RBFOX1: variants seen among roughly 807,000 people sequenced by gnomAD.
RBFOX1 encodes RNA binding protein fox-1 homolog 1.
RBFOX1 carries 8 observed loss-of-function variants against 57.7 expected under a neutral mutation model. That is an observed-to-expected ratio of 0.14 (90% CI 0.08 to 0.25). RBFOX1 has a LOEUF of 0.25. Ranked by LOEUF, RBFOX1 falls within the 10% of genes least tolerant of loss-of-function variation. The pLI is 1.00. For missense variants in RBFOX1, 611 were observed against 548.5 expected (o/e 1.11, Z -1.14); for synonymous variants, 326 against 222.4 (o/e 1.47, Z -4.15).
chr16:5,739,807 C>A (rs536933019), intron 3 of RBFOX1, among the ~76,000 whole-genome samples: 2 of 152,224 alleles, frequency 1.3e-5, no homozygotes, highest in African/African-American at 4.8e-5. Flanking sequence ...TCCCCTCTCT[C>A]CATCTGCACG....
intron 4 of RBFOX1, among the ~76,000 whole-genome samples, chr16:7,464,569 C>T (rs776069090): frequency 3.3e-5 from 5 of 152,002 alleles, no homozygotes; most frequent in African/African-American, 4.8e-5. Flanking sequence ...TGTTAAAAAT[C>T]CCTGAGTGTT....
intron 2 of RBFOX1, among the ~76,000 whole-genome samples, chr16:6,620,831 G>A (rs1010365007): frequency 6.6e-5 from 10 of 152,178 alleles, no homozygotes; most frequent in East Asian, 5.8e-4. Context: ...TTTCAAGCAC[G>A]TTCTCATATT....
In RBFOX1 at chr16:5,947,772, C is replaced by T. The variant is rs1033521059; in HGVS notation, c.351+80437C>T. On this transcript the variant is annotated intron_variant, in intron 4 of 19. Transcript: ENST00000641259. This position sits in a 1 kb window ranked among gnomAD's most constrained non-coding sequence, Gnocchi z 7.2. ...AAGGGGGTGTCTCCACCTAACAGTGCAAGGATACAGCTGCCCTTGGTATTC... is the reference window on the plus strand; with the variant it reads ...AAGGGGGTGTCTCCACCTAACAGTGTAAGGATACAGCTGCCCTTGGTATTC... Among the ~76,000 whole-genome samples, 26 of 152,188 alleles carry T rather than the reference C, an allele frequency of 1.7e-4. No individual in the cohort carries two copies. The highest frequency in any genetic ancestry group is 3.2e-4 in the Non-Finnish European group (22 of 68,048).
intron 6 of RBFOX1, among the ~76,000 whole-genome samples, chr16:7,585,190 C>G (rs1192291195): frequency 6.6e-6 from 1 of 152,162 alleles, no homozygotes; most frequent in Non-Finnish European, 1.5e-5. Flanking sequence ...ATCAAAATTA[C>G]TGCTTGAGGA....
intron 3 of RBFOX1, among the ~76,000 whole-genome samples, chr16:6,781,882 C>T (rs558137670): frequency 6.6e-6 from 1 of 151,770 alleles, no homozygotes; most frequent in African/African-American, 2.4e-5. Flanking sequence ...TTTGTATTTT[C>T]TCTCAATTTC....
intron 3 of RBFOX1, among the ~76,000 whole-genome samples, chr16:5,769,158 G>A (rs1347402464): frequency 6.6e-6 from 1 of 151,948 alleles, no homozygotes; most frequent in Non-Finnish European, 1.5e-5. Flanking sequence ...GACGTTTTTT[G>A]ATGGGAAACA....
At chr16:5,530,106 A>G (rs540597780) in intron 2 of RBFOX1, among the ~76,000 whole-genome samples, 2 of 152,266 alleles carry the variant, frequency 1.3e-5, no homozygotes, top group African/African-American at 4.8e-5. Context: ...CACTCAGGCT[A>G]TGGCACTTTG....
At chr16:7,674,782 G>C (rs1009237730) in intron 13 of RBFOX1, among the ~76,000 whole-genome samples, 8 of 152,122 alleles carry the variant, frequency 5.3e-5, no homozygotes, top group Admixed American at 2.0e-4. Context: ...TAGTCAGTGT[G>C]GTTCATTTAG....
At chr16:6,990,862 T>C (rs1281691397) in intron 3 of RBFOX1, among the ~76,000 whole-genome samples, 1 of 152,166 alleles carries the variant, frequency 6.6e-6, no homozygotes, top group African/African-American at 2.4e-5. Context: ...GTCTAGTTGC[T>C]AATTTTTTAA....
At chr16:6,499,831 T>G (rs755729227) in intron 2 of RBFOX1, among the ~76,000 whole-genome samples, 8 of 152,168 alleles carry the variant, frequency 5.3e-5, no homozygotes, top group Admixed American at 1.3e-4. Context: ...AATCGATACC[T>G]CCTCTTGTTG....
At chr16:6,603,782 T>C (rs1332958357) in intron 2 of RBFOX1, among the ~76,000 whole-genome samples, 3 of 152,198 alleles carry the variant, frequency 2.0e-5, no homozygotes, top group Non-Finnish European at 2.9e-5. Context: ...ATCTGAATCA[T>C]TGGCTGCCTT....
intron 3 of RBFOX1, among the ~76,000 whole-genome samples, chr16:6,754,659 G>A (rs2075494152): frequency 1.3e-5 from 2 of 151,976 alleles, no homozygotes. Flanking sequence ...TTTTAGAGGT[G>A]GGAGAAAGAG....
chr16:7,307,383 A>G (rs531878913), intron 4 of RBFOX1, among the ~76,000 whole-genome samples: 2 of 152,322 alleles, frequency 1.3e-5, no homozygotes, highest in African/African-American at 4.8e-5. Context: ...ACAAAAATCA[A>G]TTGGGGTGCC....
intron 3 of RBFOX1, among the ~76,000 whole-genome samples, chr16:5,725,163 A>G (rs2052094540): frequency 6.6e-6 from 1 of 152,220 alleles, no homozygotes; most frequent in South Asian, 2.1e-4. Context: ...AGAGGAGGCT[A>G]GGCTGTTGGT....
chr16:7,121,727 C>G (rs1018467150), intron 4 of RBFOX1, among the ~76,000 whole-genome samples: 1 of 151,718 alleles, frequency 6.6e-6, no homozygotes, highest in Non-Finnish European at 1.5e-5. Flanking sequence ...AAAACAAAAA[C>G]TAGAATATCC....
intron 4 of RBFOX1, among the ~76,000 whole-genome samples, chr16:7,062,569 T>G (rs1420373977): frequency 6.6e-6 from 1 of 152,114 alleles, no homozygotes; most frequent in Non-Finnish European, 1.5e-5. Context: ...ATTTCCTCTT[T>G]CACGTGTGCA....
At chr16:5,376,810 A>C (rs1190358094) in intron 1 of RBFOX1, among the ~76,000 whole-genome samples, 3 of 151,546 alleles carry the variant, frequency 2.0e-5, no homozygotes, top group Non-Finnish European at 4.4e-5. Flanking sequence ...TCAGAGATAA[A>C]GTCCCCAGTA....
intron 2 of RBFOX1, among the ~76,000 whole-genome samples, chr16:6,485,329 G>A (rs1395420348): frequency 6.6e-6 from 1 of 151,694 alleles, no homozygotes; most frequent in Admixed American, 6.6e-5. Context: ...TGTAGAAGGA[G>A]CTCCTCCCTC....
chr16:5,812,443 G>A (rs2055467497), intron 3 of RBFOX1, among the ~76,000 whole-genome samples: 1 of 147,576 alleles, frequency 6.8e-6, no homozygotes, highest in Non-Finnish European at 1.5e-5. Flanking sequence ...TCACCAACAT[G>A]ATCAGTCTTT....
Sources: gnomAD v4.1 joint callset for allele counts (sites outside exome capture counted in the v4.1 genomes callset) on GRCh38, gnomAD v4.1.1 for gene constraint, Gnocchi (gnomAD v3.1) non-coding constraint, MANE v1.5 for transcripts, NCBI Gene and HGNC (gene_info 2026-07-23, HGNC 2026-07-21) for gene names.